The following SHANK2 variants were observed in gnomAD, a reference collection of about 807,000 sequenced individuals.
The protein encoded by SHANK2 is SH3 and multiple ankyrin repeat domains 2, also known as SH3 and multiple ankyrin repeat domains protein 2.
In SHANK2, 43 loss-of-function variants were observed where a neutral mutation model predicts 133.7. The observed-to-expected ratio is 0.32, with a 90% CI of 0.25 to 0.41. The LOEUF (loss-of-function observed/expected upper bound fraction) is 0.41. SHANK2 is among the 10% of genes least tolerant of loss of function. The probability of loss-of-function intolerance (pLI) is 1.00; values close to 1 mark genes in which losing one functional copy is unlikely to be tolerated. For missense variants in SHANK2, 1,994 were observed against 2,235.8 expected (o/e 0.89, Z 2.18); for synonymous variants, 1,017 against 952.8 (o/e 1.07, Z -1.24).
intron 14 of SHANK2, among the ~76,000 whole-genome samples, chr11:70,708,449 T>A (rs1375055489): frequency 1.9e-4 from 29 of 152,040 alleles, no homozygotes; most frequent in African/African-American, 7.0e-4. Flanking sequence ...CCCTCCACGT[T>A]TCCAATCAGT....
intron 3 of SHANK2, among the ~76,000 whole-genome samples, chr11:71,129,575 T>C (rs1216269068): frequency 1.3e-5 from 2 of 151,620 alleles, no homozygotes; most frequent in Admixed American, 1.3e-4. Context: ...AGCTGGGAGG[T>C]TGAGGCTGCA....
Position 70,805,371 on chromosome 11 carries a change from T to G in SHANK2, c.1663+1631A>C, listed in dbSNP as rs537445461. On this transcript the variant is annotated intron_variant, in intron 13 of 25. Coordinates refer to ENST00000601538, the MANE Select transcript of SHANK2 (RefSeq NM_012309.5). The stretch of plus-strand genomic sequence containing the variant: ...CTTGGGCCTAGGGGGTGGCCCTGAG[T>G]GTGCAGACCGGTCAGAAAACACTCT... Among the ~76,000 whole-genome samples, 13 of 152,282 alleles carry G rather than the reference T, an allele frequency of 8.5e-5. No homozygotes were observed. The East Asian group carries it at 2.5e-3, about 29-fold the overall frequency.
chr11:70,749,513 C>T (rs192781563), intron 14 of SHANK2, among the ~76,000 whole-genome samples: 1 of 152,126 alleles, frequency 6.6e-6, no homozygotes, highest in African/African-American at 2.4e-5. Flanking sequence ...GCAAACAATC[C>T]AAAATTCCTG....
rs1212009581 is a variant in SHANK2, at chr11:71,065,832, G to A, written c.1030-9274C>T. 5.5e-4 allele frequency among the ~76,000 whole-genome samples: 65 copies of A among 117,454 alleles called. 1 individual carries two copies. Among genetic ancestry groups the A allele is most frequent in the African/African-American group, 2.1e-3 (62 of 28,866 alleles). The allele number at this position is 117,454 out of a possible 152,430, so 77.1% of individuals were successfully genotyped here. A position where few individuals can be genotyped will look rare whatever the true frequency, so the allele number is the denominator to read the frequency against. ...AGTGGTGAGTGGGGAAGTTGGGGGCGGGGCATACAGAACTCTCCCAGGGAG... is the reference window on the plus strand; with the variant it reads ...AGTGGTGAGTGGGGAAGTTGGGGGCAGGGCATACAGAACTCTCCCAGGGAG... On this transcript the variant is annotated intron_variant, in intron 9 of 25. Transcript: ENST00000601538.
chr11:70,748,315 A>C (rs1370922119), intron 14 of SHANK2, among the ~76,000 whole-genome samples: 2 of 152,184 alleles, frequency 1.3e-5, no homozygotes, highest in Admixed American at 1.3e-4. Context: ...CAGGTCCCCC[A>C]TGGATGGAAT....
At chr11:70,793,009 T>C (rs1357279653) in intron 14 of SHANK2, among the ~76,000 whole-genome samples, 3 of 152,148 alleles carry the variant, frequency 2.0e-5, no homozygotes, top group Middle Eastern at 3.2e-3. Flanking sequence ...TGAGCCCTGA[T>C]GGCACCACTG....
In SHANK2 at chr11:70,661,500, TACACACACACACACACACACACAC is replaced by T. The variant is rs3837380; in HGVS notation, c.1936+72_1936+95del. ...GGGGAACGTTTTTCATGCAGGCGTA[TACACACACACACACACACACACAC>T]ACACACACACACACACACACACACA... On this transcript the variant is annotated intron_variant, in intron 16 of 25. Transcript: ENST00000601538. The T allele has an allele frequency of 1.4e-4, 149 of 1,063,976 alleles. 1 individual carries two copies. Among genetic ancestry groups the T allele is most frequent in the Middle Eastern group, 9.0e-4 (4 of 4,426 alleles). The allele number at this position is 1,063,976 out of a possible 1,614,324, so 65.9% of individuals were successfully genotyped here.
At chr11:71,200,863 C>T (rs1369752759) in intron 2 of SHANK2, among the ~76,000 whole-genome samples, 1 of 151,068 alleles carries the variant, frequency 6.6e-6, no homozygotes, top group African/African-American at 2.4e-5. Context: ...CACACACACA[C>T]ACTTCAGATC....
intron 10 of SHANK2, among the ~76,000 whole-genome samples, chr11:70,897,020 A>C (rs59764362): frequency 0.012 from 1,841 of 152,350 alleles, 38 homozygotes; most frequent in African/African-American, 0.043. Context: ...AAAAGCATTT[A>C]AAACTCATCA....
intron 2 of SHANK2, among the ~76,000 whole-genome samples, chr11:71,191,820 C>T (rs1170646413): frequency 1.3e-5 from 2 of 151,640 alleles, no homozygotes; most frequent in Non-Finnish European, 2.9e-5. Flanking sequence ...TCCCAAAGTG[C>T]TGGGATTACA....
At chr11:70,893,279 T>C (rs1451047218) in intron 11 of SHANK2, among the ~76,000 whole-genome samples, 3 of 152,182 alleles carry the variant, frequency 2.0e-5, no homozygotes, top group African/African-American at 7.2e-5. Context: ...GCAAGACACA[T>C]GCAGGCAAAA....
intron 10 of SHANK2, among the ~76,000 whole-genome samples, chr11:70,914,495 C>T (rs1324471205): frequency 6.6e-6 from 1 of 151,546 alleles, no homozygotes; most frequent in Non-Finnish European, 1.5e-5. Context: ...AACACAACGC[C>T]CTTGCAAACA....
chr11:70,875,180 C>T (rs1362822216), intron 11 of SHANK2, among the ~76,000 whole-genome samples: 1 of 152,062 alleles, frequency 6.6e-6, no homozygotes, highest in Non-Finnish European at 1.5e-5. Context: ...AGGGAAGGGA[C>T]ATTTAGCTGG....
chr11:70,589,422 C>T (rs2060293932), intron 17 of SHANK2, among the ~76,000 whole-genome samples: 1 of 152,174 alleles, frequency 6.6e-6, no homozygotes, highest in African/African-American at 2.4e-5. Context: ...TTGAGATTTA[C>T]TGCTCAGAAA....
chr11:70,661,133 G>A (rs553455849), intron 16 of SHANK2, among the ~76,000 whole-genome samples: 11 of 152,138 alleles, frequency 7.2e-5, no homozygotes, highest in Non-Finnish European at 1.3e-4. Flanking sequence ...AATGCCTGCC[G>A]CCCTTGGAGC....
intron 10 of SHANK2, among the ~76,000 whole-genome samples, chr11:70,946,038 T>A (rs1950722741): frequency 1.4e-5 from 2 of 144,428 alleles, no homozygotes; most frequent in South Asian, 4.6e-4. Flanking sequence ...TAACCACCCC[T>A]TCCCAGACTC....
intron 10 of SHANK2, among the ~76,000 whole-genome samples, chr11:70,945,281 C>G (rs1236580339): frequency 1.3e-5 from 2 of 152,076 alleles, no homozygotes; most frequent in Non-Finnish European, 2.9e-5. Context: ...CTGGGGTGAG[C>G]ATGTGTTTCC....
intron 21 of SHANK2, among the ~76,000 whole-genome samples, chr11:70,493,901 A>T (rs1318558393): frequency 4.6e-5 from 7 of 152,226 alleles, no homozygotes; most frequent in African/African-American, 1.7e-4. Flanking sequence ...AGAGCTGAGC[A>T]GAGTGCAGGG....
chr11:71,059,741 G>A (rs1006688863), intron 9 of SHANK2, among the ~76,000 whole-genome samples: 1 of 152,210 alleles, frequency 6.6e-6, no homozygotes, highest in Non-Finnish European at 1.5e-5. Context: ...GGGAGACACA[G>A]GTGGGCGGAT....
Sources: allele counts gnomAD v4.1 joint callset (sites outside exome capture counted in the v4.1 genomes callset), GRCh38; gene constraint gnomAD v4.1.1; transcripts MANE v1.5; gene names NCBI Gene and HGNC (gene_info 2026-07-23, HGNC 2026-07-21).